MYO10: variants seen among roughly 807,000 people sequenced by gnomAD.
MYO10 encodes the protein myosin X.
A neutral mutation model predicts 257.3 loss-of-function variants in MYO10; 133 were observed. The observed-to-expected ratio is 0.52, with a 90% CI of 0.45 to 0.60. The LOEUF is 0.60. MYO10 is among the 20% of genes least tolerant of loss of function. The probability of loss-of-function intolerance (pLI) is 0.00; values close to 1 mark genes in which losing one functional copy is unlikely to be tolerated. For missense variants in MYO10, 2,399 were observed against 2,635.7 expected (o/e 0.91, Z 1.97); for synonymous variants, 1,104 against 1,028.6 (o/e 1.07, Z -1.40).
chr5:16,814,182 A>C lies in MYO10; in HGVS notation c.279+3827T>G, dbSNP rs139187691. Among the ~76,000 whole-genome samples, 932 of 152,270 alleles carry C rather than the reference A, an allele frequency of 6.1e-3. 3 individuals carry two copies. The highest frequency in any genetic ancestry group is 9.3e-3 in the Non-Finnish European group (630 of 68,002). Reference sequence around the variant, plus strand: ...TCCTGAGACGGAGTCTCGCTCTGTCACCCAGGCTGGAGGGCAGTGCGCGAT... The same window carrying C: ...TCCTGAGACGGAGTCTCGCTCTGTCCCCCAGGCTGGAGGGCAGTGCGCGAT... On this transcript the variant is annotated intron_variant, in intron 3 of 40. Coordinates refer to ENST00000513610, the MANE Select transcript of MYO10 (RefSeq NM_012334.3).
intron 1 of MYO10, among the ~76,000 whole-genome samples, chr5:16,934,388 C>A (rs891845104): frequency 2.0e-5 from 3 of 152,240 alleles, no homozygotes; most frequent in African/African-American, 7.2e-5. Context: ...AGTTAAGAAT[C>A]ATTGCCCTAG....
At chr5:16,763,790 T>C in intron 12 of MYO10, 35 bp from the exon 13 acceptor site, 4 of 1,234,762 alleles carry the variant, frequency 3.2e-6, no homozygotes, top group East Asian at 2.4e-5. Flanking sequence ...GTATCTTTAG[T>C]GTACTCACGA....
intron 36 of MYO10, among the ~76,000 whole-genome samples, 176 bp from the exon 37 acceptor site, chr5:16,673,001 T>G (rs1197984364): frequency 6.6e-6 from 1 of 152,226 alleles, no homozygotes; most frequent in Non-Finnish European, 1.5e-5. Flanking sequence ...TTTCCCTTTG[T>G]TCTCTTGAGA....
chr5:16,814,548 T>TA (rs1202096201), intron 3 of MYO10: 2 of 152,122 alleles, frequency 1.3e-5, no homozygotes, highest in Admixed American at 6.5e-5. Flanking sequence ...TTATTTTTTT[T>TA]CTCTTTTAAA....
At chr5:16,816,710 T>C (rs576693187) in intron 3 of MYO10, among the ~76,000 whole-genome samples, 17 of 151,834 alleles carry the variant, frequency 1.1e-4, no homozygotes, top group Middle Eastern at 6.9e-3. Context: ...TTTGTATTTT[T>C]AGTAGAGACG....
intron 2 of MYO10, among the ~76,000 whole-genome samples, chr5:16,862,772 A>G (rs1368161283): frequency 1.3e-5 from 2 of 152,164 alleles, no homozygotes; most frequent in East Asian, 3.8e-4. Flanking sequence ...CTTCAATTTA[A>G]ATTTTCAAAG....
chr5:16,802,057 G>T (rs1056883947), intron 3 of MYO10, among the ~76,000 whole-genome samples: 6 of 152,290 alleles, frequency 3.9e-5, no homozygotes, highest in African/African-American at 1.4e-4. Context: ...GAGTCCACTT[G>T]TATGAGGTAT....
chr5:16,817,572 G>A (rs1742662558), intron 3 of MYO10, among the ~76,000 whole-genome samples: 1 of 152,142 alleles, frequency 6.6e-6, no homozygotes, highest in African/African-American at 2.4e-5. Context: ...TCACCCTAGG[G>A]TGGGCTTCAG....
chr5:16,830,679 G>GCACACACACACACACACACACTCACA (rs1554000812), intron 2 of MYO10, among the ~76,000 whole-genome samples: 1 of 148,920 alleles, frequency 6.7e-6, no homozygotes, highest in African/African-American at 2.5e-5. Context: ...TTTTTAATAG[G>GCACACACACACACACACACACTCACA]CACACACACA....
chr5:16,700,945 C>T lies in MYO10; in HGVS notation c.3432+18G>A, dbSNP rs182649334. ...ACCGGCCACCCATTTCACTGGGACA[C>T]GCCAGGCAGGTACTTACCGAGGACT... On this transcript the variant is annotated intron_variant, in intron 25 of 40. Coordinates refer to ENST00000513610, the MANE Select transcript of MYO10 (RefSeq NM_012334.3). 35 of 1,530,256 alleles carry T rather than the reference C, an allele frequency of 2.3e-5. No homozygotes were observed. The highest frequency in any genetic ancestry group is 1.2e-4 in the South Asian group (10 of 80,998). The allele number at this position is 1,530,256 out of a possible 1,614,324, so 94.8% of individuals were successfully genotyped here.
At chr5:16,875,819 TC>T (rs1437602898) in intron 2 of MYO10, among the ~76,000 whole-genome samples, 1 of 152,080 alleles carries the variant, frequency 6.6e-6, no homozygotes, top group Non-Finnish European at 1.5e-5. Flanking sequence ...ACTTACAAAC[TC>T]AATTCATAAA....
At position 16,792,588 on chromosome 5, in the gene MYO10, GGC is replaced by G. The variant is rs1021161612; in HGVS notation, c.467+2056_467+2057del. Among the ~76,000 whole-genome samples, 85 of 31,662 alleles carry G rather than the reference GGC, an allele frequency of 2.7e-3. 1 individual carries two copies. The highest frequency in any genetic ancestry group is 0.014 in the Middle Eastern group (1 of 74). 20.8% of individuals were successfully genotyped at this position (31,662 alleles called of 152,430 possible). A position where few individuals can be genotyped will look rare whatever the true frequency, so the allele number is the denominator to read the frequency against. Reference sequence around the variant, plus strand: ...CCAGTCCCTCCCCACAGGAGCGGGGGGCGGGGGGCTGCTCTAAGTGCTCTGGG... The same window carrying G: ...CCAGTCCCTCCCCACAGGAGCGGGGGGGGGGGCTGCTCTAAGTGCTCTGGG... On this transcript the variant is annotated intron_variant, in intron 4 of 40. Transcript: ENST00000513610.
chr5:16,887,908 C>G (rs1744937755), intron 1 of MYO10, among the ~76,000 whole-genome samples: 1 of 152,148 alleles, frequency 6.6e-6, no homozygotes, highest in African/African-American at 2.4e-5. Context: ...CAATTTTTAA[C>G]ACTAAAAGAA....
intron 2 of MYO10, among the ~76,000 whole-genome samples, chr5:16,876,243 T>C (rs10071401): frequency 0.065 from 9,944 of 152,278 alleles, 390 homozygotes; most frequent in South Asian, 0.18. Context: ...ATTTATAACA[T>C]TAAATTAGTT....
intron 1 of MYO10, chr5:16,902,685 T>G: frequency 1.0e-6 from 1 of 979,256 alleles, no homozygotes; most frequent in East Asian, 2.4e-5. Context: ...ATTTTTTGTA[T>G]TTTTAGTGGA....
chr5:16,936,140 GC>G lies in MYO10; in HGVS notation c.-333del, dbSNP rs1359793179. ...AGGCGGCGGGGTGCTGGCGAGCGCG[GC>G]CCCCTCCCTCTGCGCTCCGGCCGGG... On this transcript the variant is annotated 5_prime_UTR_variant, in exon 1 of 41. Transcript: ENST00000513610. 1.4e-5 allele frequency: 5 copies of G among 363,884 alleles called. No individual in the cohort carries two copies. In the Admixed American group the frequency reaches 1.9e-4, roughly 14 times the overall value. The allele number at this position is 363,884 out of a possible 1,614,324, so 22.5% of individuals were successfully genotyped here.
chr5:16,763,599 G>GA, intron 13 of MYO10, 52 bp from the exon 14 acceptor site: 1 of 1,576,372 alleles, frequency 6.3e-7, no homozygotes, highest in African/African-American at 1.4e-5. Context: ...GCTTCAAAAC[G>GA]AATCTAGTTG....
In MYO10 at chr5:16,694,594, T is replaced by C; in HGVS notation, c.3577A>G (p.Lys1193Glu). The stretch of plus-strand genomic sequence containing the variant: ...TCCTTGAGGACGCACCAGCGGCGTT[T>C]CCAAGAGTTCATCAGGCCACCTGTT... ...YMKGGLMNSWKRRWCVLKDET... is the reference protein window; with the variant it reads ...YMKGGLMNSWERRWCVLKDET... Residue 1193 changes from lysine (K) to glutamate (E), a missense_variant, in exon 27 of 41, where the codon AAA (lysine) becomes GAA (glutamate). This residue lies in a region of MYO10 where 1,820 missense variants were observed against 1,939.4 expected (regional missense o/e 0.94). Coordinates refer to ENST00000513610, the MANE Select transcript of MYO10 (RefSeq NM_012334.3). 6.2e-7 allele frequency: 1 copy of C among 1,613,860 alleles called. No homozygotes were observed. Among genetic ancestry groups the C allele is most frequent in the South Asian group, 1.1e-5 (1 of 91,072 alleles).
intron 3 of MYO10, among the ~76,000 whole-genome samples, chr5:16,817,025 C>CACCAT (rs1742645626): frequency 6.6e-6 from 1 of 151,358 alleles, no homozygotes; most frequent in Admixed American, 6.6e-5. Context: ...TCACCATGTT[C>CACCAT]GTCAGGCTTG....
Sources: gnomAD v4.1 joint callset for allele counts (sites outside exome capture counted in the v4.1 genomes callset) on GRCh38, gnomAD v4.1.1 for gene constraint, gnomAD v4.1.1 regional missense constraint, MANE v1.5 for transcripts, NCBI Gene and HGNC (gene_info 2026-07-23, HGNC 2026-07-21) for gene names.